PHF20: variants seen among roughly 807,000 people sequenced by gnomAD.
The protein encoded by PHF20 is glioma-expressed antigen 2.
In PHF20, 23 loss-of-function variants were observed where a neutral mutation model predicts 113.5. That is an observed-to-expected ratio of 0.20 (90% confidence interval 0.15 to 0.29). The LOEUF (loss-of-function observed/expected upper bound fraction) is 0.29. PHF20 is among the 10% of genes least tolerant of loss of function. The probability of loss-of-function intolerance (pLI) is 1.00; values close to 1 mark genes in which losing one functional copy is unlikely to be tolerated. For synonymous variants in PHF20, 434 were observed against 457.3 expected (o/e 0.95, Z 0.65); for missense variants, 943 against 1,219.6 (o/e 0.77, Z 3.38).
chr20:35,859,949 C>T (rs2054188427), intron 5 of PHF20, among the ~76,000 whole-genome samples: 1 of 152,180 alleles, frequency 6.6e-6, no homozygotes, highest in African/African-American at 2.4e-5. Flanking sequence ...GAGACCGAGT[C>T]TCTGTCTGTC....
intron 4 of PHF20, chr20:35,850,851 GC>G: frequency 8.7e-7 from 1 of 1,154,952 alleles, no homozygotes; most frequent in Non-Finnish European, 1.3e-6. Context: ...GCTCTGCCTT[GC>G]CATTGTTTGC....
intron 2 of PHF20, among the ~76,000 whole-genome samples, chr20:35,834,483 G>A (rs560736684): frequency 2.0e-5 from 3 of 151,966 alleles, no homozygotes; most frequent in East Asian, 3.9e-4. Context: ...ACTCCCAACC[G>A]TGGGTGATCC....
rs758300202 is a variant in PHF20, at chr20:35,899,385, A to G, written c.1298A>G (p.Lys433Arg). The G allele has an allele frequency of 6.2e-7, 1 of 1,605,522 alleles. No individual in the cohort carries two copies. Among genetic ancestry groups the G allele is most frequent in the Non-Finnish European group, 8.5e-7 (1 of 1,174,964 alleles). ...TTTTTTTCAGTAACAAATACTTTTA[A>G]GAAAACAGATGATTTTGGGTCATCT... ...ISTVEVTNTF[K>R]KTDDFGSSNA... Residue 433 changes from lysine to arginine, a missense_variant, in exon 10 of 18, where the codon AAG becomes AGG. Coordinates refer to ENST00000374012, the MANE Select transcript of PHF20 (RefSeq NM_016436.5).
chr20:35,889,252 G>T (rs2054801155), intron 9 of PHF20, among the ~76,000 whole-genome samples: 2 of 152,014 alleles, frequency 1.3e-5, no homozygotes, highest in Admixed American at 1.3e-4. Flanking sequence ...CTGACTTTGT[G>T]ATTCGCCCAC....
At chr20:35,795,517 G>A (rs754834495) in intron 1 of PHF20, among the ~76,000 whole-genome samples, 1 of 152,126 alleles carries the variant, frequency 6.6e-6, no homozygotes, top group Non-Finnish European at 1.5e-5. Flanking sequence ...GATTATAGGT[G>A]TGAGCCACTG....
intron 9 of PHF20, among the ~76,000 whole-genome samples, chr20:35,897,015 G>A (rs2054998613): frequency 1.3e-5 from 2 of 151,836 alleles, no homozygotes; most frequent in Admixed American, 1.3e-4. Context: ...GTTGTTGTTT[G>A]TTTTGCATTT....
At position 35,786,311 on chromosome 20, in the gene PHF20, A is replaced by C. The variant is rs551858624; in HGVS notation, c.-33+14232A>C. On this transcript the variant is annotated intron_variant, in intron 1 of 17. Transcript: ENST00000374012. Reference sequence around the variant, plus strand: ...GAGGCTGAGGCAGGAGAATCGCTTGAACTAGAGAGTTGGAGGTTCCAGTGA... The same window carrying C: ...GAGGCTGAGGCAGGAGAATCGCTTGCACTAGAGAGTTGGAGGTTCCAGTGA... 2.3e-4 allele frequency among the ~76,000 whole-genome samples: 35 copies of C among 152,234 alleles called. No homozygotes were observed. The East Asian group carries it at 6.8e-3, about 29-fold the overall frequency.
intron 9 of PHF20, among the ~76,000 whole-genome samples, chr20:35,880,467 T>A (rs1242478208): frequency 6.6e-6 from 1 of 152,186 alleles, no homozygotes; most frequent in African/African-American, 2.4e-5. Context: ...ATAGCCTGTG[T>A]TGGCAGGATT....
chr20:35,946,918 C>T (rs2147141365), intron 17 of PHF20, among the ~76,000 whole-genome samples: 1 of 152,172 alleles, frequency 6.6e-6, no homozygotes, highest in South Asian at 2.1e-4. Flanking sequence ...CCATGTTGGC[C>T]AGGATGGTCT....
intron 5 of PHF20, among the ~76,000 whole-genome samples, chr20:35,859,357 G>T (rs778792061): frequency 1.3e-5 from 2 of 152,116 alleles, no homozygotes; most frequent in Non-Finnish European, 2.9e-5. Context: ...GGAAAATAGA[G>T]ATCAAAATTT....
At chr20:35,852,352 G>T (rs1328592881) in intron 4 of PHF20, among the ~76,000 whole-genome samples, 2 of 152,136 alleles carry the variant, frequency 1.3e-5, no homozygotes, top group Admixed American at 1.3e-4. Context: ...ACCATGGTTG[G>T]GAGACAGGGT....
At chr20:35,791,192 T>C (rs567877255) in intron 1 of PHF20, among the ~76,000 whole-genome samples, 2 of 151,998 alleles carry the variant, frequency 1.3e-5, no homozygotes, top group East Asian at 3.9e-4. Context: ...ATGATCATAC[T>C]TACATTTTAG....
chr20:35,806,872 T>G (rs2041892310), intron 2 of PHF20, among the ~76,000 whole-genome samples: 1 of 151,416 alleles, frequency 6.6e-6, no homozygotes, highest in Non-Finnish European at 1.5e-5. Context: ...CTTGGCTCAT[T>G]GCAAGCTCCG....
chr20:35,871,235 C>A (rs912917558), intron 8 of PHF20, 101 bp downstream of exon 8: 3 of 960,798 alleles, frequency 3.1e-6, no homozygotes, highest in South Asian at 2.9e-5. Context: ...ATTAAATTGT[C>A]TTGAAATCAA....
intron 2 of PHF20, among the ~76,000 whole-genome samples, chr20:35,833,125 G>T (rs1362245963): frequency 6.6e-6 from 1 of 151,752 alleles, no homozygotes; most frequent in African/African-American, 2.4e-5. Flanking sequence ...CCCAGAGCAG[G>T]TACTCAGAAA....
chr20:35,913,467 C>A, intron 11 of PHF20, 120 bp downstream of exon 11: 1 of 735,378 alleles, frequency 1.4e-6, no homozygotes, highest in Non-Finnish European at 2.3e-6. Context: ...TAGTCTCTTA[C>A]CAGGGCTTGT....
chr20:35,884,366 C>G (rs1194029810), intron 9 of PHF20, among the ~76,000 whole-genome samples: 1 of 152,110 alleles, frequency 6.6e-6, no homozygotes, highest in Non-Finnish European at 1.5e-5. Flanking sequence ...GGAGGAGGAG[C>G]TGGGAGGGCA....
At chr20:35,917,430 G>T (rs2055425376) in intron 12 of PHF20, 54 bp from the exon 13 acceptor site, 1 of 1,461,288 alleles carries the variant, frequency 6.8e-7, no homozygotes, top group South Asian at 1.2e-5. Context: ...ACAATCAAAG[G>T]TTTTTTAATT....
At chr20:35,939,130 G>T in intron 16 of PHF20, 22 bp downstream of exon 16, 2 of 1,561,818 alleles carry the variant, frequency 1.3e-6, no homozygotes, top group Non-Finnish European at 1.7e-6. Context: ...CCTTGTACTT[G>T]TTCTTCATTC....
Sources: gnomAD v4.1 joint callset for allele counts (sites outside exome capture counted in the v4.1 genomes callset) on GRCh38, gnomAD v4.1.1 for gene constraint, MANE v1.5 for transcripts, NCBI Gene and HGNC (gene_info 2026-07-23, HGNC 2026-07-21) for gene names.